Variants in NFIL3 observed in about 807,000 individuals in gnomAD.
The protein encoded by NFIL3 is nuclear factor, interleukin 3 regulated.
NFIL3 carries 5 observed loss-of-function variants against 10.0 expected under a neutral mutation model. The ratio of observed to expected loss-of-function variants is 0.50; its 90% CI spans 0.26 to 1.06. NFIL3 has a LOEUF of 1.06. Among genes scored for constraint, NFIL3 ranks in the 50% least tolerant of loss-of-function variants. The pLI is 0.13. For missense variants in NFIL3, 436 were observed against 547.6 expected, an observed-to-expected ratio of 0.80 and a Z score of 2.03; for synonymous variants, 202 against 206.5, an observed-to-expected ratio of 0.98 and a Z score of 0.19.
chr9:91,460,467 G>C, the NFIL3 span, among the ~76,000 whole-genome samples: 1 of 151,596 alleles, frequency 6.6e-6, no homozygotes, highest in East Asian at 1.9e-4. Flanking sequence ...AGTAGAGATG[G>C]GGTTTCACAA....
chr9:91,476,167 T>G, the NFIL3 span, among the ~76,000 whole-genome samples: 2 of 152,204 alleles, frequency 1.3e-5, no homozygotes, highest in Non-Finnish European at 2.9e-5. Context: ...ACTAGGACTT[T>G]CCTGATACTA....
the NFIL3 span, among the ~76,000 whole-genome samples, chr9:91,460,961 A>G: frequency 6.6e-6 from 1 of 152,236 alleles, no homozygotes; most frequent in Admixed American, 6.5e-5. Flanking sequence ...CTACATTGCC[A>G]TCTAGTTCCT....
At chr9:91,456,411 A>T in the NFIL3 span, among the ~76,000 whole-genome samples, 413 of 152,254 alleles carry the variant, frequency 2.7e-3, 1 homozygote, top group African/African-American at 9.6e-3. Flanking sequence ...CAGTCTTTCG[A>T]ATTTTATCTA....
chr9:91,433,120 C>T, the NFIL3 span, among the ~76,000 whole-genome samples: 1 of 152,130 alleles, frequency 6.6e-6, no homozygotes, highest in Non-Finnish European at 1.5e-5. Flanking sequence ...TCCATATGTT[C>T]ATTTACTTAT....
At chr9:91,441,111 G>A in the NFIL3 span, among the ~76,000 whole-genome samples, 1 of 152,034 alleles carries the variant, frequency 6.6e-6, no homozygotes, top group Non-Finnish European at 1.5e-5. Context: ...TATCAAAATG[G>A]TCTACTATTA....
At chr9:91,423,545 A>G (rs1224730864) in intron 1 of NFIL3, 95 bp downstream of exon 1, 1 of 149,954 alleles carries the variant, frequency 6.7e-6, no homozygotes, top group Non-Finnish European at 1.5e-5. Flanking sequence ...GACCCCGCAC[A>G]CAGCGCGGCC....
chr9:91,440,721 C>T, the NFIL3 span, among the ~76,000 whole-genome samples: 1 of 152,002 alleles, frequency 6.6e-6, no homozygotes, highest in Non-Finnish European at 1.5e-5. Context: ...TCATTGGTCT[C>T]AAGGTATTTA....
At position 91,410,268 on chromosome 9, in the gene NFIL3, T is replaced by G. The variant is rs757117768; in HGVS notation, c.467A>C (p.Lys156Thr). Residue 156 changes from lysine (K) to threonine (T), a missense_variant, in exon 2 of 2, where the codon AAA becomes ACA. Around this residue, in one of 3 missense-constraint regions of NFIL3, gnomAD observed 338 missense variants for 399.9 expected, o/e 0.85. Transcript: ENST00000297689. The surrounding 1 kb of genome is among the most constrained non-coding windows in gnomAD (Gnocchi z 5.7). ...AVYFQDYQTS[K>T]SNVSSFVDEH... ...GTCCACAAATGAACTCACATTGGAT[T>G]TGGAAGTCTGGTAATCTTGAAAGTA... 1.2e-6 allele frequency: 2 copies of G among 1,614,226 alleles called. No individual in the cohort carries two copies. The highest frequency in any genetic ancestry group is 1.1e-5 in the South Asian group (1 of 91,086).
the NFIL3 span, among the ~76,000 whole-genome samples, chr9:91,459,920 C>T: frequency 6.6e-6 from 1 of 152,076 alleles, no homozygotes; most frequent in South Asian, 2.1e-4. Context: ...GGCAAAGGCA[C>T]ACTGACAAAG....
chr9:91,426,392 A>T (rs528073053), upstream of NFIL3: 3 of 152,328 alleles, frequency 2.0e-5, no homozygotes, highest in South Asian at 6.2e-4. Flanking sequence ...ACATTCACAG[A>T]GTAGGTAAGT....
At chr9:91,436,922 C>A in the NFIL3 span, among the ~76,000 whole-genome samples, 2 of 152,204 alleles carry the variant, frequency 1.3e-5, no homozygotes, top group African/African-American at 4.8e-5. Context: ...TCGTGGAAGA[C>A]AATTTTTCCA....
the NFIL3 span, among the ~76,000 whole-genome samples, chr9:91,441,421 T>C: frequency 6.6e-6 from 1 of 152,146 alleles, no homozygotes; most frequent in Non-Finnish European, 1.5e-5. Flanking sequence ...GGGTCTGTCG[T>C]AGGAAGCATA....
At chr9:91,452,527 C>T in the NFIL3 span, among the ~76,000 whole-genome samples, 1 of 152,126 alleles carries the variant, frequency 6.6e-6, no homozygotes, top group African/African-American at 2.4e-5. Flanking sequence ...GTAATCCCTG[C>T]ACTTTGGGAG....
At chr9:91,422,878 T>C (rs912958733) in intron 1 of NFIL3, among the ~76,000 whole-genome samples, 1 of 152,204 alleles carries the variant, frequency 6.6e-6, no homozygotes, top group Non-Finnish European at 1.5e-5. Flanking sequence ...GGACGTAATA[T>C]AGACGTAAAT....
the NFIL3 span, among the ~76,000 whole-genome samples, chr9:91,462,377 A>G: frequency 5.3e-5 from 8 of 151,886 alleles, no homozygotes; most frequent in Admixed American, 2.6e-4. Context: ...AGTTCCCTCT[A>G]TTTCTTGTTT....
intron 1 of NFIL3, among the ~76,000 whole-genome samples, chr9:91,420,044 T>C (rs1037028601): frequency 2.0e-5 from 3 of 152,084 alleles, no homozygotes; most frequent in Admixed American, 6.6e-5. Flanking sequence ...TGTAAGGGAA[T>C]TGGAAAAAGC....
At chr9:91,467,666 C>T in the NFIL3 span, among the ~76,000 whole-genome samples, 1 of 152,154 alleles carries the variant, frequency 6.6e-6, no homozygotes, top group Non-Finnish European at 1.5e-5. Context: ...AGGTATTTCT[C>T]TTAATGCTAT....
chr9:91,431,654 T>G, the NFIL3 span, among the ~76,000 whole-genome samples: 3 of 152,150 alleles, frequency 2.0e-5, no homozygotes, highest in Non-Finnish European at 2.9e-5. Flanking sequence ...TTAACCACAG[T>G]GGAAGCCGAC....
intron 1 of NFIL3, among the ~76,000 whole-genome samples, chr9:91,419,838 T>G (rs191692719): frequency 3.6e-4 from 55 of 152,336 alleles, no homozygotes; most frequent in Admixed American, 3.4e-3. Context: ...GTCGCAAGTG[T>G]AAGGGTAAAC....
Sources: allele counts gnomAD v4.1 joint callset (sites outside exome capture counted in the v4.1 genomes callset), GRCh38; gene constraint gnomAD v4.1.1; regional missense constraint gnomAD v4.1.1; non-coding constraint Gnocchi (gnomAD v3.1); transcripts MANE v1.5; gene names NCBI Gene and HGNC (gene_info 2026-07-23, HGNC 2026-07-21).